Variants in CPEB2 observed in about 807,000 individuals in gnomAD.
CPEB2 encodes cytoplasmic polyadenylation element-binding protein 2.
Under a neutral mutation model 93.6 loss-of-function variants are expected in CPEB2, and 56 were observed. That is an observed-to-expected ratio of 0.60 (90% CI 0.48 to 0.75). CPEB2 has a LOEUF of 0.75. Ranked by LOEUF, CPEB2 falls within the 30% of genes least tolerant of loss-of-function variation. The pLI is 0.00. For missense variants in CPEB2, 1,579 were observed against 1,395.1 expected (o/e 1.13, Z -2.10); for synonymous variants, 764 against 586.3 (o/e 1.30, Z -4.38).
Position 15,066,587 on chromosome 4 carries a change from G to T in CPEB2, c.*207G>T. 1.9e-6 allele frequency: 1 copy of T among 516,738 alleles called. No homozygotes were observed. The highest frequency in any genetic ancestry group is 3.1e-5 in the South Asian group (1 of 32,200). 32.0% of individuals were successfully genotyped at this position (516,738 alleles called of 1,614,324 possible). A position where few individuals can be genotyped will look rare whatever the true frequency, so the allele number is the denominator to read the frequency against. ...ACATCTCAGGCTTACTAATTTTTGT[G>T]ATATTTTCATGTTCAAATAAAATGT... is the stretch of plus-strand genomic sequence containing the variant. On this transcript the variant is annotated 3_prime_UTR_variant, in exon 12 of 12. Coordinates refer to ENST00000538197, the MANE Select transcript of CPEB2 (RefSeq NM_001177382.2).
Position 15,005,793 on chromosome 4 carries a change from G to A in CPEB2, c.1662+1458G>A, listed in dbSNP as rs1722740009. Among the ~76,000 whole-genome samples, 7 of 152,306 alleles carry A rather than the reference G, an allele frequency of 4.6e-5. No homozygotes were observed. The South Asian group carries it at 1.2e-3, about 27-fold the overall frequency. ...TCTTAGAAAAGAGAATGTGGCCTAT[G>A]AGGATTGAAAATAGGGATTTTGAAA... On this transcript the variant is annotated intron_variant, in intron 1 of 11. Coordinates refer to ENST00000538197, the MANE Select transcript of CPEB2 (RefSeq NM_001177382.2).
At chr4:15,060,125 G>A (rs1257619723) in intron 10 of CPEB2, among the ~76,000 whole-genome samples, 1 of 152,118 alleles carries the variant, frequency 6.6e-6, no homozygotes, top group Non-Finnish European at 1.5e-5. Flanking sequence ...TGAGGAATGT[G>A]TTTCACAGAA....
chr4:15,030,024 G>A (rs1725924473), intron 4 of CPEB2, among the ~76,000 whole-genome samples: 5 of 151,978 alleles, frequency 3.3e-5, no homozygotes, highest in Admixed American at 3.3e-4. Flanking sequence ...TTTTTACTCT[G>A]GGAAGCTCTG....
rs145397408 is a variant in CPEB2, at chr4:15,036,964, G to A, written c.2177-3500G>A. On this transcript the variant is annotated intron_variant, in intron 5 of 11. Transcript: ENST00000538197. ...AGTTCTTTTTTTCTTTTATGCCAGT[G>A]GAATGAGTGGAGGAGATAAGCTTTC... Among the ~76,000 whole-genome samples, 15 of 152,246 alleles carry A rather than the reference G, an allele frequency of 9.9e-5. No homozygotes were observed. The East Asian group carries it at 2.7e-3, about 27-fold the overall frequency.
At chr4:15,043,109 TTTC>T (rs1727339287) in intron 6 of CPEB2, among the ~76,000 whole-genome samples, 1 of 152,186 alleles carries the variant, frequency 6.6e-6, no homozygotes, top group South Asian at 2.1e-4. Context: ...AAGAACTGTT[TTTC>T]TTCTTTCAGC....
At chr4:15,036,235 T>A (rs1272107879) in intron 5 of CPEB2, among the ~76,000 whole-genome samples, 1 of 152,178 alleles carries the variant, frequency 6.6e-6, no homozygotes, top group Admixed American at 6.5e-5. Flanking sequence ...AGATATTTTT[T>A]AATTTAAACA....
chr4:15,066,496 TATCAATACA>T lies in CPEB2; in HGVS notation c.*117_*125del, dbSNP rs1383012361. On this transcript the variant is annotated 3_prime_UTR_variant, in exon 12 of 12. Transcript: ENST00000538197. ...GCATTCTTCTGCTTTTCACCCCAGCTATCAATACATGCATCTTTATCAGCAGCCAAAACA... is the reference window on the plus strand; with the variant it reads ...GCATTCTTCTGCTTTTCACCCCAGCTTGCATCTTTATCAGCAGCCAAAACA... The T allele has an allele frequency of 3.6e-5, 26 of 719,114 alleles. No homozygotes were observed. The highest frequency in any genetic ancestry group is 5.7e-5 in the Non-Finnish European group (24 of 423,788). The allele number at this position is 719,114 out of a possible 1,614,324, so 44.5% of individuals were successfully genotyped here. A position where few individuals can be genotyped will look rare whatever the true frequency, so the allele number is the denominator to read the frequency against.
chr4:15,043,043 G>T (rs1727334270), intron 6 of CPEB2, among the ~76,000 whole-genome samples: 1 of 152,172 alleles, frequency 6.6e-6, no homozygotes, highest in African/African-American at 2.4e-5. Context: ...GCAATAATGG[G>T]TGAACAGTTA....
Position 15,024,722 on chromosome 4 carries a change from T to C in CPEB2, c.2125+7444T>C, listed in dbSNP as rs889282441. Among the ~76,000 whole-genome samples, 5 of 150,104 alleles carry C rather than the reference T, an allele frequency of 3.3e-5. No individual in the cohort carries two copies. The East Asian group carries it at 9.9e-4, about 30-fold the overall frequency. ...TTTATATCTTCAGTTCTTGGAATTT[T>C]GGGATATTATTTCTTTGATAATTTT... On this transcript the variant is annotated intron_variant, in intron 4 of 11. Transcript: ENST00000538197.
intron 3 of CPEB2, 93 bp from the exon 4 acceptor site, chr4:15,017,095 C>T: frequency 2.9e-6 from 2 of 686,934 alleles, no homozygotes; most frequent in South Asian, 3.4e-5. Flanking sequence ...ATCAGAAGTC[C>T]TATTTTATGT....
At chr4:15,040,708 G>T (rs182885571) in intron 6 of CPEB2, among the ~76,000 whole-genome samples, 66 of 152,076 alleles carry the variant, frequency 4.3e-4, no homozygotes, top group African/African-American at 1.5e-3. Context: ...CTTTTAAACT[G>T]CTGAGATTTA....
intron 5 of CPEB2, 42 bp from the exon 6 acceptor site, chr4:15,040,422 T>G (rs1312923519): frequency 9.8e-6 from 15 of 1,529,218 alleles, no homozygotes; most frequent in Non-Finnish European, 1.3e-5. Flanking sequence ...GGGCTTATTT[T>G]TAGTTCTGAC....
chr4:15,062,024 A>T, intron 10 of CPEB2, 55 bp from the exon 11 acceptor site: 1 of 1,450,842 alleles, frequency 6.9e-7, no homozygotes, highest in Non-Finnish European at 9.3e-7. Context: ...GTACTTAAAA[A>T]TTGTTGATTA....
chr4:15,063,181 T>G (rs1729364184), intron 11 of CPEB2, among the ~76,000 whole-genome samples: 1 of 152,002 alleles, frequency 6.6e-6, no homozygotes, highest in Non-Finnish European at 1.5e-5. Context: ...TTTGGCACAT[T>G]AAAAGACTAT....
At chr4:15,025,404 G>A (rs774756241) in intron 4 of CPEB2, among the ~76,000 whole-genome samples, 3 of 151,580 alleles carry the variant, frequency 2.0e-5, no homozygotes, top group Non-Finnish European at 2.9e-5. Flanking sequence ...TCATGTTGGG[G>A]GCTTCATCTT....
intron 11 of CPEB2, among the ~76,000 whole-genome samples, chr4:15,063,220 T>C (rs1449574532): frequency 6.6e-6 from 1 of 152,048 alleles, no homozygotes; most frequent in Non-Finnish European, 1.5e-5. Context: ...GGTTAATTAA[T>C]ACCGATTGAC....
intron 3 of CPEB2, among the ~76,000 whole-genome samples, chr4:15,011,194 G>A (rs572454605): frequency 6.4e-4 from 95 of 147,578 alleles, no homozygotes; most frequent in Non-Finnish European, 7.7e-4. Flanking sequence ...TCTGCCTCCC[G>A]GGTTCAAGCG....
At chr4:15,024,271 T>A (rs1282684378) in intron 4 of CPEB2, among the ~76,000 whole-genome samples, 1 of 152,116 alleles carries the variant, frequency 6.6e-6, no homozygotes, top group Non-Finnish European at 1.5e-5. Flanking sequence ...CTTTAATGAC[T>A]TACACCTTTG....
chr4:15,018,978 A>G (rs902100031), intron 4 of CPEB2, among the ~76,000 whole-genome samples: 1 of 146,680 alleles, frequency 6.8e-6, no homozygotes, highest in Non-Finnish European at 1.5e-5. Context: ...ATACACACGC[A>G]CACACACACG....
Sources: allele counts gnomAD v4.1 joint callset (sites outside exome capture counted in the v4.1 genomes callset), GRCh38; gene constraint gnomAD v4.1.1; transcripts MANE v1.5; gene names NCBI Gene and HGNC (gene_info 2026-07-23, HGNC 2026-07-21).